The following CHST9 variants were observed in gnomAD, a reference collection of about 807,000 sequenced individuals.
CHST9 encodes carbohydrate sulfotransferase 9, also known as GalNAc-4-sulfotransferase 2.
Under a neutral mutation model 44.4 loss-of-function variants are expected in CHST9, and 41 were observed. The ratio of observed to expected loss-of-function variants is 0.92; its 90% confidence interval spans 0.72 to 1.20. The LOEUF (loss-of-function observed/expected upper bound fraction) is 1.20. Among genes scored for constraint, CHST9 ranks in the 50% most tolerant of loss-of-function variants. The probability of loss-of-function intolerance (pLI) is 0.00; values close to 1 mark genes in which losing one functional copy is unlikely to be tolerated. For missense variants in CHST9, 504 were observed against 516.5 expected (o/e 0.98, Z 0.23); for synonymous variants, 171 against 178.4 (o/e 0.96, Z 0.33).
intron 4 of CHST9, among the ~76,000 whole-genome samples, chr18:26,975,691 G>GTA (rs2056610946): frequency 1.6e-5 from 2 of 128,986 alleles, no homozygotes; most frequent in Non-Finnish European, 3.2e-5. Flanking sequence ...ATATGTGTGT[G>GTA]TATATATATG....
At chr18:26,999,038 G>A (rs183360646) in intron 4 of CHST9, among the ~76,000 whole-genome samples, 357 of 152,242 alleles carry the variant, frequency 2.3e-3, no homozygotes, top group Middle Eastern at 3.4e-3. Flanking sequence ...GAAAGAATTG[G>A]AGCTACTTTT....
At chr18:26,922,709 T>C (rs2055682280) in intron 5 of CHST9, among the ~76,000 whole-genome samples, 1 of 152,106 alleles carries the variant, frequency 6.6e-6, no homozygotes, top group Non-Finnish European at 1.5e-5. Flanking sequence ...GATCTTGGCT[T>C]ACTGCAGCCT....
intron 4 of CHST9, among the ~76,000 whole-genome samples, chr18:26,998,739 CAAAAA>C (rs11480705): frequency 8.8e-6 from 1 of 114,132 alleles, no homozygotes; most frequent in Non-Finnish European, 1.9e-5. Context: ...ACAACAACAA[CAAAAA>C]AAAAAAAAAA....
At chr18:27,000,811 C>T (rs770099191) in intron 4 of CHST9, among the ~76,000 whole-genome samples, 1 of 152,212 alleles carries the variant, frequency 6.6e-6, no homozygotes, top group Non-Finnish European at 1.5e-5. Context: ...TCCCTCCTAC[C>T]ACATCCCTGG....
chr18:27,014,975 C>T (rs560315340), intron 4 of CHST9, among the ~76,000 whole-genome samples: 51 of 152,148 alleles, frequency 3.4e-4, no homozygotes, highest in Non-Finnish European at 6.6e-4. Context: ...GCCCTGCATT[C>T]CTTACTCATT....
chr18:27,134,216 C>A (rs919834051), intron 2 of CHST9, among the ~76,000 whole-genome samples: 7 of 151,902 alleles, frequency 4.6e-5, no homozygotes, highest in Non-Finnish European at 8.8e-5. Context: ...TCAGTCCAGT[C>A]TAGAAACAAA....
At chr18:27,145,441 C>T (rs1329678458) in intron 1 of CHST9, among the ~76,000 whole-genome samples, 3 of 152,202 alleles carry the variant, frequency 2.0e-5, no homozygotes, top group Non-Finnish European at 2.9e-5. Flanking sequence ...GCCTCAGCCT[C>T]CCAAAGTGCT....
intron 2 of CHST9, among the ~76,000 whole-genome samples, chr18:27,130,934 C>T (rs921098707): frequency 1.3e-5 from 2 of 151,942 alleles, no homozygotes; most frequent in Non-Finnish European, 2.9e-5. Context: ...TAGAGACATA[C>T]AGGAATGTGG....
intron 2 of CHST9, among the ~76,000 whole-genome samples, chr18:27,114,912 G>A (rs2058307019): frequency 6.6e-6 from 1 of 152,110 alleles, no homozygotes; most frequent in Admixed American, 6.5e-5. Context: ...ATCTTGAACT[G>A]TAATCCCCAT....
chr18:27,120,600 G>A (rs80324603), intron 2 of CHST9, among the ~76,000 whole-genome samples: 4,898 of 152,158 alleles, frequency 0.032, 118 homozygotes, highest in Non-Finnish European at 0.049. Flanking sequence ...AATGCTTCTC[G>A]TGTGATTATG....
intron 1 of CHST9, chr18:27,147,768 C>G (rs1355035671): frequency 6.6e-6 from 1 of 152,166 alleles, no homozygotes; most frequent in Admixed American, 6.5e-5. Context: ...TTCTCAGTGA[C>G]ACCTTCCTCT....
At chr18:27,138,731 CTG>C (rs1322790608) in intron 2 of CHST9, among the ~76,000 whole-genome samples, 1 of 152,100 alleles carries the variant, frequency 6.6e-6, no homozygotes, top group Non-Finnish European at 1.5e-5. Flanking sequence ...CTGCAACCCT[CTG>C]TGAAAAATAT....
At chr18:27,093,574 T>C (rs553611071) in intron 2 of CHST9, among the ~76,000 whole-genome samples, 12 of 152,224 alleles carry the variant, frequency 7.9e-5, no homozygotes, top group Admixed American at 1.3e-4. Context: ...AGAATCACGT[T>C]GTCTGCAGGT....
intron 1 of CHST9, among the ~76,000 whole-genome samples, chr18:27,177,680 A>T (rs1346980587): frequency 6.6e-6 from 1 of 151,968 alleles, no homozygotes; most frequent in Non-Finnish European, 1.5e-5. Flanking sequence ...TTAGTGTTAT[A>T]GAGTTCAGTT....
rs1296255650 is a variant in CHST9, at chr18:27,145,064, A to G, written c.-96-2159T>C. ...TGTAAGAATTCAGAATTAGAAGTGA[A>G]TGTATTAAGTAATTAGAATGATTTC... is the stretch of plus-strand genomic sequence containing the variant. On this transcript the variant is annotated intron_variant, in intron 1 of 5. Coordinates refer to ENST00000618847, the MANE Select transcript of CHST9 (RefSeq NM_031422.6). Among the ~76,000 whole-genome samples the G allele has an allele frequency of 1.3e-5, 2 of 152,236 alleles. 1 individual carries two copies. The highest frequency in any genetic ancestry group is 3.8e-4 in the East Asian group (2 of 5,200).
intron 1 of CHST9, among the ~76,000 whole-genome samples, chr18:27,148,228 G>T (rs568538331): frequency 6.6e-6 from 1 of 151,974 alleles, no homozygotes; most frequent in Non-Finnish European, 1.5e-5. Flanking sequence ...GTATTCCATG[G>T]TATAGACGTA....
At chr18:27,027,969 G>A (rs2057300801) in intron 3 of CHST9, among the ~76,000 whole-genome samples, 1 of 152,064 alleles carries the variant, frequency 6.6e-6, no homozygotes, top group Non-Finnish European at 1.5e-5. Context: ...GCGCGATCTC[G>A]GCTCACTGCA....
intron 2 of CHST9, among the ~76,000 whole-genome samples, chr18:27,141,670 A>G (rs2058568348): frequency 6.6e-6 from 1 of 151,248 alleles, no homozygotes; most frequent in African/African-American, 2.4e-5. Flanking sequence ...TTTTAAAAAT[A>G]ATCATAGTTG....
intron 4 of CHST9, among the ~76,000 whole-genome samples, chr18:26,995,545 A>C (rs749210349): frequency 1.4e-4 from 22 of 152,192 alleles, no homozygotes; most frequent in African/African-American, 1.9e-4. Context: ...GTGGAATAAT[A>C]GACTGCTGCT....
Sources: allele counts gnomAD v4.1 joint callset (sites outside exome capture counted in the v4.1 genomes callset), GRCh38; gene constraint gnomAD v4.1.1; transcripts MANE v1.5; gene names NCBI Gene and HGNC (gene_info 2026-07-23, HGNC 2026-07-21).